Variants in DAB1 observed in about 807,000 individuals in gnomAD.
DAB1 encodes the protein DAB adaptor protein 1, also known as disabled homolog 1.
Under a neutral mutation model 64.6 loss-of-function variants are expected in DAB1, and 15 were observed. The ratio of observed to expected loss-of-function variants is 0.23; its 90% CI spans 0.16 to 0.36. The LOEUF (loss-of-function observed/expected upper bound fraction) is 0.36. Ranked by LOEUF, DAB1 falls within the 10% of genes least tolerant of loss-of-function variation. DAB1 has a pLI of 1.00. For synonymous variants in DAB1, 235 were observed against 251.9 expected, an observed-to-expected ratio of 0.93 and a Z score of 0.64; for missense variants, 596 against 706.7, an observed-to-expected ratio of 0.84 and a Z score of 1.78.
intron 5 of DAB1, among the ~76,000 whole-genome samples, chr1:58,106,919 CTT>C (rs1491404106): frequency 8.2e-5 from 12 of 145,630 alleles, no homozygotes; most frequent in Admixed American, 4.4e-4. Context: ...CTTCCTCCTC[CTT>C]TCCTTCCTTC....
intron 1 of DAB1, among the ~76,000 whole-genome samples, chr1:57,342,996 GTTGCCA>G (rs1677740862): frequency 1.8e-5 from 2 of 109,566 alleles, no homozygotes; most frequent in Admixed American, 1.7e-4. Context: ...ACCCGAGCGG[GTTGCCA>G]CTGCTGGCTC....
At chr1:58,516,948 G>A (rs911445451) in intron 2 of DAB1, among the ~76,000 whole-genome samples, 2 of 152,154 alleles carry the variant, frequency 1.3e-5, no homozygotes, top group African/African-American at 4.8e-5. Flanking sequence ...GGTTGCCTAG[G>A]AAGGAGAGAA....
At chr1:58,137,248 C>T (rs1653998910) in intron 5 of DAB1, among the ~76,000 whole-genome samples, 1 of 152,218 alleles carries the variant, frequency 6.6e-6, no homozygotes, top group Non-Finnish European at 1.5e-5. Context: ...CGTTGTTTTA[C>T]ACTAAGAAAA....
At chr1:57,992,287 T>C (rs10789057) in intron 5 of DAB1, among the ~76,000 whole-genome samples, 146,749 of 152,268 alleles carry the variant, frequency 0.96, 70,881 homozygotes, top group East Asian at 1. Flanking sequence ...CAGAAAACCT[T>C]TACTTCTTCA....
intron 2 of DAB1, among the ~76,000 whole-genome samples, chr1:57,215,466 G>A (rs1256697622): frequency 6.6e-6 from 1 of 152,178 alleles, no homozygotes. Flanking sequence ...CCTGAATTAT[G>A]TCCTATATTA....
chr1:57,528,645 C>CAT, intron 7 of DAB1, among the ~76,000 whole-genome samples: 3 of 96,890 alleles, frequency 3.1e-5, no homozygotes, highest in East Asian at 6.3e-4. Flanking sequence ...AGGACACACA[C>CAT]ACACACACAC....
At position 57,152,221 on chromosome 1, in the gene DAB1, C is replaced by T. The variant is rs562953296; in HGVS notation, c.68-6792G>A. ...CTCTGGCAGGTCAGGAGTGCCAGTG[C>T]GGTAGGGGAGGGTGCACCACATCCT... is the stretch of plus-strand genomic sequence containing the variant. On this transcript the variant is annotated intron_variant, in intron 2 of 14. Transcript: ENST00000371236. Among the ~76,000 whole-genome samples, 47 of 152,234 alleles carry T rather than the reference C, an allele frequency of 3.1e-4. No homozygotes were observed. In the South Asian group the frequency reaches 7.7e-3, roughly 25 times the overall value.
In DAB1 at chr1:58,403,381, T is replaced by A. The variant is rs568646719; in HGVS notation, n.258-59978A>T. Reference sequence around the variant, plus strand: ...AATAAAAAAGAAAATAAAGTAAGTATAATTTATAGAGTGCTTTAGAATTTT... The same window carrying A: ...AATAAAAAAGAAAATAAAGTAAGTAAAATTTATAGAGTGCTTTAGAATTTT... On this transcript the variant is annotated intron_variant and non_coding_transcript_variant, in intron 3 of 20. Coordinates refer to the DAB1 transcript ENST00000485760. 1.7e-3 allele frequency among the ~76,000 whole-genome samples: 253 copies of A among 152,226 alleles called. 1 individual carries two copies. Among genetic ancestry groups the A allele is most frequent in the Non-Finnish European group, 2.2e-3 (149 of 68,014 alleles).
intron 4 of DAB1, among the ~76,000 whole-genome samples, chr1:58,247,583 T>C (rs983096961): frequency 6.6e-6 from 1 of 152,226 alleles, no homozygotes; most frequent in Non-Finnish European, 1.5e-5. Flanking sequence ...AATTGTCTTA[T>C]CATGTCAAAG....
At chr1:58,039,189 T>C (rs4912294) in intron 5 of DAB1, among the ~76,000 whole-genome samples, 69,345 of 151,996 alleles carry the variant, frequency 0.46, 16,120 homozygotes, top group African/African-American at 0.52. Context: ...CTTTCAAATG[T>C]TAACCAATCG....
chr1:58,398,247 C>G (rs980692134), intron 3 of DAB1, among the ~76,000 whole-genome samples: 10 of 152,224 alleles, frequency 6.6e-5, no homozygotes, highest in Admixed American at 6.5e-4. Context: ...CCTGCCACTC[C>G]TCATTGCTCC....
chr1:57,698,982 G>A (rs1033521033), intron 6 of DAB1, among the ~76,000 whole-genome samples: 1 of 152,132 alleles, frequency 6.6e-6, no homozygotes, highest in Non-Finnish European at 1.5e-5. Context: ...CCATTGCCCA[G>A]GCTAGAGTGC....
In DAB1 at chr1:57,406,107, A is replaced by C. The variant is rs537530102; in HGVS notation, c.-137+17823T>G. The stretch of plus-strand genomic sequence containing the variant: ...GATGGCACATGCCTCCAACTTTGTC[A>C]TGGTCCCCTGATGGAGAACGTTGAT... On this transcript the variant is annotated intron_variant, in intron 1 of 14. Transcript: ENST00000371236. Among the ~76,000 whole-genome samples, 5 of 152,312 alleles carry C rather than the reference A, an allele frequency of 3.3e-5. No homozygotes were observed. The South Asian group carries it at 1.0e-3, about 32-fold the overall frequency.
At chr1:57,306,766 G>A (rs1458989286) in intron 1 of DAB1, 1 of 151,956 alleles carries the variant, frequency 6.6e-6, no homozygotes, top group Non-Finnish European at 1.5e-5. Context: ...GGACTCTTTG[G>A]ATGAAGTATT....
At chr1:57,507,575 G>A (rs1022231608) in intron 7 of DAB1, among the ~76,000 whole-genome samples, 9 of 152,076 alleles carry the variant, frequency 5.9e-5, no homozygotes, top group Non-Finnish European at 1.2e-4. Flanking sequence ...ACTGTGAGTC[G>A]AATCTGATTG....
At chr1:58,031,417 T>C (rs1204849888) in intron 5 of DAB1, among the ~76,000 whole-genome samples, 3 of 152,106 alleles carry the variant, frequency 2.0e-5, no homozygotes, top group Admixed American at 6.6e-5. Flanking sequence ...TGGGCAGTAA[T>C]AGGTAAAACG....
At chr1:57,632,139 T>G (rs928440061) in intron 7 of DAB1, among the ~76,000 whole-genome samples, 1 of 152,198 alleles carries the variant, frequency 6.6e-6, no homozygotes, top group Admixed American at 6.5e-5. Context: ...GAATTAAATA[T>G]TAGAGAGTCT....
intron 1 of DAB1, among the ~76,000 whole-genome samples, chr1:57,829,488 C>T (rs1221534615): frequency 6.6e-6 from 1 of 152,196 alleles, no homozygotes; most frequent in Non-Finnish European, 1.5e-5. Context: ...AAAGATAATG[C>T]ACAAGATGCT....
intron 2 of DAB1, among the ~76,000 whole-genome samples, chr1:57,257,701 T>A (rs1186539670): frequency 6.6e-6 from 1 of 152,208 alleles, no homozygotes; most frequent in Non-Finnish European, 1.5e-5. Flanking sequence ...TCAGTTTCAC[T>A]GGGCTGACGT....
Sources: allele counts gnomAD v4.1 joint callset (sites outside exome capture counted in the v4.1 genomes callset), GRCh38; gene constraint gnomAD v4.1.1; transcripts MANE v1.5; gene names NCBI Gene and HGNC (gene_info 2026-07-23, HGNC 2026-07-21).